The following CUX1 variants were observed in gnomAD, a reference collection of about 807,000 sequenced individuals.
CUX1 encodes the protein cut like homeobox 1.
Under a neutral mutation model 158.8 loss-of-function variants are expected in CUX1, and 31 were observed. The observed-to-expected ratio is 0.20, with a 90% CI of 0.15 to 0.26. The LOEUF (loss-of-function observed/expected upper bound fraction) is 0.26, where lower values mean the gene tolerates loss of function less well. Ranked by LOEUF, CUX1 falls within the 10% of genes least tolerant of loss-of-function variation. The pLI is 1.00. For synonymous variants in CUX1, 879 were observed against 862.1 expected (o/e 1.02, Z -0.34); for missense variants, 1,589 against 2,014.6 (o/e 0.79, Z 4.04).
At chr7:101,895,084 G>A (rs369299945) in intron 1 of CUX1, among the ~76,000 whole-genome samples, 4 of 151,940 alleles carry the variant, frequency 2.6e-5, no homozygotes, top group East Asian at 1.9e-4. Context: ...GCAGTGGTGC[G>A]ATCTTGGCTC....
intron 8 of CUX1, among the ~76,000 whole-genome samples, chr7:102,123,760 TC>T (rs1285222522): frequency 6.6e-6 from 1 of 152,072 alleles, no homozygotes; most frequent in Non-Finnish European, 1.5e-5. Flanking sequence ...CCTCCCGGTT[TC>T]AAACGATTTT....
chr7:101,892,872 C>A (rs1801041043), intron 1 of CUX1, among the ~76,000 whole-genome samples: 1 of 151,946 alleles, frequency 6.6e-6, no homozygotes, highest in Admixed American at 6.6e-5. Flanking sequence ...TGAATAAAAC[C>A]AATAGGGAAA....
At chr7:102,003,823 G>T (rs1475175011) in intron 2 of CUX1, among the ~76,000 whole-genome samples, 1 of 152,108 alleles carries the variant, frequency 6.6e-6, no homozygotes, top group African/African-American at 2.4e-5. Flanking sequence ...CCATCTCCTT[G>T]AATACTCATA....
intron 20 of CUX1, among the ~76,000 whole-genome samples, chr7:102,207,088 T>C (rs1291683463): frequency 6.6e-6 from 1 of 152,142 alleles, no homozygotes; most frequent in African/African-American, 2.4e-5. Context: ...ATTTCAAACC[T>C]AGGAAAAACA....
intron 1 of CUX1, among the ~76,000 whole-genome samples, chr7:101,885,352 G>A (rs1362860768): frequency 1.3e-5 from 2 of 152,158 alleles, no homozygotes; most frequent in African/African-American, 4.8e-5. Context: ...AAGTCCAGAA[G>A]GCCTTTGGAT....
At chr7:102,054,792 A>C (rs1161098411) in intron 3 of CUX1, among the ~76,000 whole-genome samples, 1 of 152,086 alleles carries the variant, frequency 6.6e-6, no homozygotes, top group Non-Finnish European at 1.5e-5. Context: ...ATATAATGAG[A>C]TCTCATCTCT....
chr7:102,013,125 CAAA>C (rs35020263), intron 2 of CUX1, among the ~76,000 whole-genome samples: 3 of 112,574 alleles, frequency 2.7e-5, no homozygotes, highest in East Asian at 2.6e-4. Context: ...GCCGTCATAC[CAAA>C]AAAAAAAAAA....
At chr7:102,052,611 A>G (rs1168968205) in intron 3 of CUX1, among the ~76,000 whole-genome samples, 1 of 152,178 alleles carries the variant, frequency 6.6e-6, no homozygotes, top group Non-Finnish European at 1.5e-5. Flanking sequence ...ATCCATATAC[A>G]TAAGTTTTTG....
intron 6 of CUX1, among the ~76,000 whole-genome samples, chr7:102,105,687 A>AT (rs1433991418): frequency 1.3e-5 from 2 of 151,688 alleles, no homozygotes; most frequent in East Asian, 3.9e-4. Flanking sequence ...TGACTTTTGT[A>AT]TTTTTAGTAG....
At chr7:102,013,794 T>C (rs1818298665) in intron 2 of CUX1, among the ~76,000 whole-genome samples, 1 of 152,100 alleles carries the variant, frequency 6.6e-6, no homozygotes, top group African/African-American at 2.4e-5. Context: ...ACCCTCGACC[T>C]CTCTGGGCTA....
intron 10 of CUX1, among the ~76,000 whole-genome samples, chr7:102,176,615 G>A (rs2131753843): frequency 7.9e-6 from 1 of 126,124 alleles, no homozygotes; most frequent in African/African-American, 3.0e-5. Flanking sequence ...CTGTCACCCA[G>A]GCTGGAGGTC....
chr7:102,104,317 T>C lies in CUX1; in HGVS notation c.407-19T>C, dbSNP rs1830111411. ...TGTATGCTTCTCTTACTGTAGGTTT[T>C]TTTTTTTCTTTTCTGCAGAGGTTAC... is the stretch of plus-strand genomic sequence containing the variant. On this transcript the variant is annotated intron_variant, in intron 5 of 23. Transcript: ENST00000292535. 1 of 1,584,270 alleles carries C rather than the reference T, an allele frequency of 6.3e-7. No individual in the cohort carries two copies. The highest frequency in any genetic ancestry group is 1.1e-5 in the South Asian group (1 of 87,696).
chr7:101,866,032 A>T (rs1584809053), intron 1 of CUX1, among the ~76,000 whole-genome samples: 1 of 152,226 alleles, frequency 6.6e-6, no homozygotes, highest in East Asian at 1.9e-4. Flanking sequence ...GTCTCAAATT[A>T]AACTAGAGGA....
At chr7:101,997,684 G>A (rs1023489659) in intron 2 of CUX1, among the ~76,000 whole-genome samples, 19 of 152,192 alleles carry the variant, frequency 1.2e-4, no homozygotes, top group Admixed American at 9.8e-4. Context: ...CTTGTGTCCC[G>A]TGGCCTCATC....
intron 1 of CUX1, among the ~76,000 whole-genome samples, chr7:101,822,995 T>C (rs1449018224): frequency 2.0e-5 from 3 of 152,084 alleles, no homozygotes; most frequent in Non-Finnish European, 4.4e-5. Context: ...ATAAAAATAA[T>C]TTTAATTTTG....
chr7:101,935,297 T>G (rs1806785054), intron 2 of CUX1, among the ~76,000 whole-genome samples: 1 of 152,070 alleles, frequency 6.6e-6, no homozygotes, highest in South Asian at 2.1e-4. Context: ...CCTACCCAAA[T>G]CCTATAAAAC....
chr7:101,911,928 A>G (rs1456542285), intron 1 of CUX1, among the ~76,000 whole-genome samples: 1 of 152,016 alleles, frequency 6.6e-6, no homozygotes, highest in African/African-American at 2.4e-5. Flanking sequence ...ATAAAAACAC[A>G]TTTTCTGCGT....
At chr7:101,832,708 A>G (rs1309141933) in intron 1 of CUX1, among the ~76,000 whole-genome samples, 3 of 152,222 alleles carry the variant, frequency 2.0e-5, no homozygotes, top group Non-Finnish European at 4.4e-5. Flanking sequence ...TTCAGCTTCA[A>G]TGACAATGAC....
intron 8 of CUX1, among the ~76,000 whole-genome samples, chr7:102,141,789 ATTTT>A (rs71123009): frequency 1.5e-4 from 15 of 102,576 alleles, no homozygotes; most frequent in Non-Finnish European, 2.8e-4. Context: ...CTCTCAGCTA[ATTTT>A]TTTTTTTTTT....
Sources: gnomAD v4.1 joint callset for allele counts (sites outside exome capture counted in the v4.1 genomes callset) on GRCh38, gnomAD v4.1.1 for gene constraint, MANE v1.5 for transcripts, NCBI Gene and HGNC (gene_info 2026-07-23, HGNC 2026-07-21) for gene names.